SEPTIN9: variants seen among roughly 807,000 people sequenced by gnomAD.
SEPTIN9 encodes the protein septin-9.
SEPTIN9 carries 13 observed loss-of-function variants against 56.6 expected under a neutral mutation model. That is an observed-to-expected ratio of 0.23 (90% CI 0.15 to 0.37). SEPTIN9 has a LOEUF of 0.37. SEPTIN9 is among the 10% of genes least tolerant of loss of function. The pLI is 1.00. For missense variants in SEPTIN9, 650 were observed against 823.1 expected, an observed-to-expected ratio of 0.79 and a Z score of 2.57; for synonymous variants, 332 against 334.1, an observed-to-expected ratio of 0.99 and a Z score of 0.07.
At position 77,486,401 on chromosome 17, in the gene SEPTIN9, G is replaced by A. The variant is rs565109172; in HGVS notation, c.914-1023G>A. On this transcript the variant is annotated intron_variant, in intron 4 of 11. Coordinates refer to ENST00000427177, the MANE Select transcript of SEPTIN9 (RefSeq NM_001113491.2). ...CTACAGGCATGAGCCACCACACCTG[G>A]CCTAGGGTATTTTTTTTGGTGTGTT... is the stretch of plus-strand genomic sequence containing the variant. Among the ~76,000 whole-genome samples the A allele has an allele frequency of 2.1e-3, 327 of 152,198 alleles. 1 individual carries two copies. Among genetic ancestry groups the A allele is most frequent in the African/African-American group, 7.4e-3 (307 of 41,488 alleles).
chr17:77,391,676 G>A (rs1344030472), intron 2 of SEPTIN9, among the ~76,000 whole-genome samples: 1 of 152,224 alleles, frequency 6.6e-6, no homozygotes, highest in Non-Finnish European at 1.5e-5. Flanking sequence ...TAAACCCAGA[G>A]TTGGTGCCAA....
intron 2 of SEPTIN9, among the ~76,000 whole-genome samples, chr17:77,383,671 G>A (rs1346974748): frequency 1.3e-5 from 2 of 152,240 alleles, no homozygotes; most frequent in African/African-American, 4.8e-5. Flanking sequence ...GTGCTACCTG[G>A]CTGGTACTTT....
intron 2 of SEPTIN9, among the ~76,000 whole-genome samples, chr17:77,320,795 C>T (rs753472113): frequency 6.6e-6 from 1 of 152,230 alleles, no homozygotes; most frequent in African/African-American, 2.4e-5. Context: ...CGGTCTCCTA[C>T]CTAAAATAGC....
At chr17:77,411,385 C>CT (rs1010602194) in intron 3 of SEPTIN9, among the ~76,000 whole-genome samples, 1 of 142,806 alleles carries the variant, frequency 7.0e-6, no homozygotes, top group Admixed American at 7.5e-5. Flanking sequence ...TAGCACGTTC[C>CT]TTTTTCTTTT....
chr17:77,441,452 G>A (rs930050307), intron 3 of SEPTIN9, among the ~76,000 whole-genome samples: 2 of 152,214 alleles, frequency 1.3e-5, no homozygotes, highest in Non-Finnish European at 2.9e-5. Flanking sequence ...TAGACACTTC[G>A]TGTGGTTTTC....
chr17:77,332,255 C>T (rs566454571), intron 2 of SEPTIN9, among the ~76,000 whole-genome samples: 15 of 151,640 alleles, frequency 9.9e-5, no homozygotes, highest in Admixed American at 3.3e-4. Context: ...CCAGCCTGGG[C>T]GACAGAACAA....
intron 2 of SEPTIN9, among the ~76,000 whole-genome samples, chr17:77,309,684 A>G (rs56208620): frequency 0.16 from 24,102 of 151,940 alleles, 2,080 homozygotes; most frequent in African/African-American, 0.21. Flanking sequence ...TTTCTGGCAA[A>G]AGCTTAAATG....
rs2037256606 is a variant in SEPTIN9, at chr17:77,434,215, A to G, written c.721+31512A>G. ...TGCTGTCTGCGGAAAGTGCCCTAGG[A>G]TACGGTGGCAGGACTGGCTGGGGTT... On this transcript the variant is annotated intron_variant, in intron 3 of 11. Coordinates refer to ENST00000427177, the MANE Select transcript of SEPTIN9 (RefSeq NM_001113491.2). This position sits in a 1 kb window ranked among gnomAD's most constrained non-coding sequence, Gnocchi z 5.0. Among the ~76,000 whole-genome samples the G allele has an allele frequency of 6.6e-6, 1 of 152,112 alleles. No individual in the cohort carries two copies. The highest frequency in any genetic ancestry group is 2.1e-4 in the South Asian group (1 of 4,812).
At chr17:77,321,293 T>C (rs535745987) in intron 2 of SEPTIN9, among the ~76,000 whole-genome samples, 32 of 151,808 alleles carry the variant, frequency 2.1e-4, no homozygotes, top group African/African-American at 7.5e-4. Flanking sequence ...GTTGCCACTA[T>C]GTGTGTGTTG....
At chr17:77,472,862 A>C (rs2143067090) in intron 3 of SEPTIN9, 1 of 152,362 alleles carries the variant, frequency 6.6e-6, no homozygotes, top group Admixed American at 6.5e-5. Context: ...GTGCATTTTA[A>C]AAATTCAGTC....
chr17:77,344,920 C>T (rs1290558355), intron 2 of SEPTIN9, among the ~76,000 whole-genome samples: 2 of 142,848 alleles, frequency 1.4e-5, no homozygotes, highest in Non-Finnish European at 3.0e-5. Flanking sequence ...TGCAGTGAGC[C>T]GAGACCATGC....
rs776991855 is a variant in SEPTIN9 at position 77,488,826 on chromosome 17, C to T, written c.1224C>T (p.Val408=). The change falls in exon 7 of 12, where the codon GTC becomes GTT. Residue 408 remains valine (V), a synonymous_variant. Coordinates refer to ENST00000427177, the MANE Select transcript of SEPTIN9 (RefSeq NM_001113491.2). ...AGAAGCGCATCCCGGACACCCGCGT[C>T]CACTGCTGCCTCTACTTCATCCCCG... ...NRKKRIPDTR[V]HCCLYFIPAT... The T allele has an allele frequency of 1.9e-6, 3 of 1,613,754 alleles. No homozygotes were observed. The highest frequency in any genetic ancestry group is 2.5e-6 in the Non-Finnish European group (3 of 1,179,864).
chr17:77,315,724 G>C (rs777504674), intron 2 of SEPTIN9, among the ~76,000 whole-genome samples: 1 of 152,212 alleles, frequency 6.6e-6, no homozygotes, highest in African/African-American at 2.4e-5. Context: ...AGTGGCCTTC[G>C]CTCTTCCTTC....
chr17:77,471,020 G>A, intron 3 of SEPTIN9: 1 of 152,290 alleles, frequency 6.6e-6, no homozygotes, highest in Non-Finnish European at 1.5e-5. Flanking sequence ...AGGCTCCTGA[G>A]CAGGAGGACT....
At position 77,437,354 on chromosome 17, in the gene SEPTIN9, G is replaced by A. The variant is rs1476008950; in HGVS notation, c.721+34651G>A. 1.3e-5 allele frequency among the ~76,000 whole-genome samples: 2 copies of A among 151,688 alleles called. No homozygotes were observed. Among genetic ancestry groups the A allele is most frequent in the Non-Finnish European group, 2.9e-5 (2 of 67,878 alleles). The stretch of plus-strand genomic sequence containing the variant: ...CCTCCCTTCTACACCCCCACCCCAC[G>A]CCCCCAGGAGCTCCCTATGGGGAAG... On this transcript the variant is annotated intron_variant, in intron 3 of 11. Transcript: ENST00000427177. The surrounding 1 kb of genome is among the most constrained non-coding windows in gnomAD (Gnocchi z 5.3).
intron 2 of SEPTIN9, among the ~76,000 whole-genome samples, chr17:77,346,019 A>G (rs889056340): frequency 1.3e-5 from 2 of 151,902 alleles, no homozygotes; most frequent in African/African-American, 4.8e-5. Context: ...GGCATGATCT[A>G]GGCTCACTGC....
intron 1 of SEPTIN9, among the ~76,000 whole-genome samples, chr17:77,285,515 A>T (rs2031233367): frequency 6.6e-6 from 1 of 152,158 alleles, no homozygotes; most frequent in African/African-American, 2.4e-5. Flanking sequence ...CTCATGCCTC[A>T]GCCTCCTGAG....
Position 77,402,132 on chromosome 17 carries a change from C to T in SEPTIN9, c.150C>T (p.Pro50=), listed in dbSNP as rs1236402581. The change falls in exon 3 of 12, where the codon CCC becomes CCT. Residue 50 remains proline, a synonymous_variant. Coordinates refer to ENST00000427177, the MANE Select transcript of SEPTIN9 (RefSeq NM_001113491.2). The surrounding 1 kb of genome is among the most constrained non-coding windows in gnomAD (Gnocchi z 6.6). Reference sequence around the variant, plus strand: ...CCCCACCCCGGAGGGTCCAGACTCCCCTACTCCGAGCCACTGTGGCCAGCT... The same window carrying T: ...CCCCACCCCGGAGGGTCCAGACTCCTCTACTCCGAGCCACTGTGGCCAGCT... ...NSTPPRRVQT[P]LLRATVASST... The T allele has an allele frequency of 2.5e-6, 4 of 1,613,842 alleles. No homozygotes were observed. The highest frequency in any genetic ancestry group is 1.1e-5 in the South Asian group (1 of 91,090).
chr17:77,295,489 G>A (rs1023286039), intron 1 of SEPTIN9, among the ~76,000 whole-genome samples: 5 of 152,174 alleles, frequency 3.3e-5, no homozygotes, highest in South Asian at 2.1e-4. Flanking sequence ...GAGAGCTCCC[G>A]CGCCCTCCCT....
Sources: gnomAD v4.1 joint callset for allele counts (sites outside exome capture counted in the v4.1 genomes callset) on GRCh38, gnomAD v4.1.1 for gene constraint, Gnocchi (gnomAD v3.1) non-coding constraint, MANE v1.5 for transcripts, NCBI Gene and HGNC (gene_info 2026-07-23, HGNC 2026-07-21) for gene names.